Variants in CFAP52 observed in about 807,000 individuals in gnomAD.
CFAP52 encodes cilia- and flagella-associated protein 52.
A neutral mutation model predicts 70.5 loss-of-function variants in CFAP52; 57 were observed. That is an observed-to-expected ratio of 0.81 (90% confidence interval 0.65 to 1.01). The LOEUF (loss-of-function observed/expected upper bound fraction) is 1.01. CFAP52 is among the 50% of genes least tolerant of loss of function. The pLI is 0.00. For synonymous variants in CFAP52, 267 were observed against 292.5 expected, an observed-to-expected ratio of 0.91 and a Z score of 0.89; for missense variants, 785 against 788.5, an observed-to-expected ratio of 1.00 and a Z score of 0.05.
chr17:9,613,878 A>G (rs944450001), intron 8 of CFAP52, among the ~76,000 whole-genome samples: 2 of 135,552 alleles, frequency 1.5e-5, no homozygotes, highest in Non-Finnish European at 3.3e-5. Flanking sequence ...CCCTGTGATT[A>G]GGTCTTTCCA....
intron 9 of CFAP52, among the ~76,000 whole-genome samples, chr17:9,631,061 A>C (rs1198350086): frequency 1.6e-5 from 2 of 122,328 alleles, no homozygotes; most frequent in East Asian, 6.8e-4. Context: ...AGAGAAAGAA[A>C]GAAAGAAAGA....
At chr17:9,594,161 CT>C (rs367968290) in intron 3 of CFAP52, 31 bp from the exon 4 acceptor site, 39,094 of 922,658 alleles carry the variant, frequency 0.042, 6 homozygotes, top group South Asian at 0.083. Context: ...TTCTCTTTGA[CT>C]TTTTTTTTTT....
At chr17:9,592,299 C>A (rs752115867) in intron 3 of CFAP52, among the ~76,000 whole-genome samples, 3 of 151,964 alleles carry the variant, frequency 2.0e-5, no homozygotes, top group Non-Finnish European at 4.4e-5. Context: ...CCTGTCTCTA[C>A]TAAAAATGCA....
intron 1 of CFAP52, among the ~76,000 whole-genome samples, chr17:9,577,704 A>G (rs960769519): frequency 6.6e-6 from 1 of 152,220 alleles, no homozygotes; most frequent in Non-Finnish European, 1.5e-5. Context: ...ATATCTTGAG[A>G]GTTGGTTACA....
intron 10 of CFAP52, among the ~76,000 whole-genome samples, chr17:9,634,313 A>G (rs1597795347): frequency 1.3e-5 from 2 of 152,260 alleles, no homozygotes; most frequent in East Asian, 1.9e-4. Context: ...TCTGACTACT[A>G]TGTTTTCTGG....
chr17:9,582,793 C>G (rs560647613), intron 1 of CFAP52, among the ~76,000 whole-genome samples: 3 of 152,148 alleles, frequency 2.0e-5, no homozygotes, highest in Non-Finnish European at 4.4e-5. Context: ...TCCACCACTA[C>G]GCCCAGCTAA....
chr17:9,585,806 A>G lies in CFAP52; in HGVS notation c.104A>G (p.Asp35Gly), dbSNP rs202035421. Residue 35 changes from aspartate to glycine, a missense_variant, in exon 2 of 14, where the codon GAC becomes GGC. Transcript: ENST00000352665. Reference sequence around the variant, plus strand: ...CCCACTGGTCTCAAATGCCATCCTGACCAGGAGCATATGATTTATCCTCTT... The same window carrying G: ...CCCACTGGTCTCAAATGCCATCCTGGCCAGGAGCATATGATTTATCCTCTT... The part of the protein sequence containing the change: ...HVPTGLKCHP[D>G]QEHMIYPLGC... 2.5e-6 allele frequency: 4 copies of G among 1,614,056 alleles called. No homozygotes were observed. The highest frequency in any genetic ancestry group is 2.2e-5 in the East Asian group (1 of 44,866).
At position 9,598,300 on chromosome 17, in the gene CFAP52, A is replaced by G. The variant is rs1909109391; in HGVS notation, c.603A>G (p.Thr201=). 6.2e-7 allele frequency: 1 copy of G among 1,613,380 alleles called. No individual in the cohort carries two copies. The highest frequency in any genetic ancestry group is 1.7e-5 in the Admixed American group (1 of 59,954). ...AAATCTGGCCAACTGAGTGCCAAAC[A>G]GGACAGTTGAAAAGAATAGTCATGA... ...NRKIWPTECQ[T]GQLKRIVMSI... The change falls in exon 5 of 14, where the codon ACA becomes ACG. Residue 201 remains threonine, a synonymous_variant. Coordinates refer to ENST00000352665, the MANE Select transcript of CFAP52 (RefSeq NM_145054.5).
intron 13 of CFAP52, 53 bp downstream of exon 13, chr17:9,641,888 G>A (rs989062760): frequency 1.1e-5 from 16 of 1,498,452 alleles, no homozygotes; most frequent in Middle Eastern, 1.7e-4. Context: ...ACGAGGACAT[G>A]GAAGGAACTC....
Position 9,624,581 on chromosome 17 carries a change from T to C in CFAP52, c.1026-4091T>C, listed in dbSNP as rs371430166. 3.9e-5 allele frequency among the ~76,000 whole-genome samples: 6 copies of C among 152,276 alleles called. No individual in the cohort carries two copies. The South Asian group carries it at 1.2e-3, about 32-fold the overall frequency. The stretch of plus-strand genomic sequence containing the variant: ...TTCAGATTACCTATCTGTTCACTTA[T>C]TGATGTGATAGTTTCCTTTAATATT... On this transcript the variant is annotated intron_variant, in intron 8 of 13. Coordinates refer to ENST00000352665, the MANE Select transcript of CFAP52 (RefSeq NM_145054.5).
At chr17:9,636,660 G>C (rs1409743135) in intron 11 of CFAP52, among the ~76,000 whole-genome samples, 1 of 152,130 alleles carries the variant, frequency 6.6e-6, no homozygotes, top group African/African-American at 2.4e-5. Flanking sequence ...ACGAGGATAA[G>C]TGCAAAGATG....
intron 6 of CFAP52, among the ~76,000 whole-genome samples, chr17:9,603,489 G>T (rs919228087): frequency 1.3e-5 from 2 of 152,166 alleles, no homozygotes; most frequent in East Asian, 1.9e-4. Flanking sequence ...GATTACAGGC[G>T]TGAGCCACCA....
chr17:9,645,210 T>A (rs1226007736), downstream of CFAP52: 1 of 153,256 alleles, frequency 6.5e-6, no homozygotes, highest in African/African-American at 2.4e-5. The surrounding 1 kb of genome is among the most constrained non-coding windows in gnomAD (Gnocchi z 6.8). Flanking sequence ...CTTGCCCTTT[T>A]CTTCCTGCAG....
Position 9,576,648 on chromosome 17 carries a change from C to A in CFAP52, c.-48C>A. 6.5e-7 allele frequency: 1 copy of A among 1,539,968 alleles called. No individual in the cohort carries two copies. The highest frequency in any genetic ancestry group is 8.8e-7 in the Non-Finnish European group (1 of 1,130,436). ...GTCCGTTACCATAACGACCAGAAGA[C>A]GCTGCAGCCACTAGGGAGGAGAGCA... On this transcript the variant is annotated 5_prime_UTR_variant, in exon 1 of 14. Transcript: ENST00000352665.
At chr17:9,644,759 G>C (rs570164325), downstream of CFAP52, 1 of 152,112 alleles carries the variant, frequency 6.6e-6, no homozygotes, top group Non-Finnish European at 1.5e-5. Flanking sequence ...TACTGAGGCT[G>C]GAAAGGGCCT....
intron 8 of CFAP52, among the ~76,000 whole-genome samples, chr17:9,616,149 G>C (rs1007645412): frequency 7.0e-6 from 1 of 142,054 alleles, no homozygotes; most frequent in Non-Finnish European, 1.5e-5. Flanking sequence ...CGCGCACCGT[G>C]CGCGAGCCGA....
intron 9 of CFAP52, among the ~76,000 whole-genome samples, chr17:9,631,071 A>G (rs1328373178): frequency 9.7e-5 from 13 of 133,786 alleles, no homozygotes; most frequent in African/African-American, 3.6e-4. Context: ...AGAAAGAAAG[A>G]AAGAAAGAAA....
intron 3 of CFAP52, among the ~76,000 whole-genome samples, chr17:9,591,653 A>G (rs1281430108): frequency 6.6e-6 from 1 of 152,152 alleles, no homozygotes; most frequent in Non-Finnish European, 1.5e-5. Context: ...CAAGGCGGAA[A>G]GGATCACTTG....
chr17:9,631,671 G>T (rs551254514), intron 9 of CFAP52, among the ~76,000 whole-genome samples: 1 of 152,116 alleles, frequency 6.6e-6, no homozygotes, highest in Non-Finnish European at 1.5e-5. Flanking sequence ...AAGAGATGGC[G>T]GGGGTTGGGG....
Sources: allele counts gnomAD v4.1 joint callset (sites outside exome capture counted in the v4.1 genomes callset), GRCh38; gene constraint gnomAD v4.1.1; non-coding constraint Gnocchi (gnomAD v3.1); transcripts MANE v1.5; gene names NCBI Gene and HGNC (gene_info 2026-07-23, HGNC 2026-07-21).